The following CD300A variants were observed in gnomAD, a reference collection of about 807,000 sequenced individuals.
CD300A encodes CD300a molecule.
A neutral mutation model predicts 33.6 loss-of-function variants in CD300A; 22 were observed. The observed-to-expected ratio is 0.66, with a 90% CI of 0.47 to 0.94. The LOEUF (loss-of-function observed/expected upper bound fraction) is 0.94. CD300A is among the 40% of genes least tolerant of loss of function. CD300A has a pLI of 0.00. For synonymous variants in CD300A, 136 were observed against 148.1 expected (o/e 0.92, Z 0.59); for missense variants, 326 against 360.5 (o/e 0.90, Z 0.77).
intron 4 of CD300A, 78 bp downstream of exon 4, chr17:74,477,608 T>C: frequency 2.2e-6 from 2 of 892,770 alleles, no homozygotes; most frequent in Non-Finnish European, 3.6e-6. Flanking sequence ...TTCAAAGCTA[T>C]GTCCACGTCC....
At chr17:74,482,732 T>TCCTTCCTTTCC (rs1555639394) in intron 6 of CD300A, among the ~76,000 whole-genome samples, 1 of 133,038 alleles carries the variant, frequency 7.5e-6, no homozygotes, top group African/African-American at 3.8e-5. Flanking sequence ...CTTTCTTTCT[T>TCCTTCCTTTCC]TGGAATCTCG....
rs1237041176 is a variant in CD300A, at chr17:74,484,022, C to G, written c.796C>G (p.His266Asp). The G allele has an allele frequency of 6.2e-7, 1 of 1,614,046 alleles. No homozygotes were observed. The highest frequency in any genetic ancestry group is 8.5e-7 in the Non-Finnish European group (1 of 1,179,944). Residue 266 changes from histidine to aspartate, a missense_variant, in exon 7 of 7, where the codon CAC (histidine) becomes GAC (aspartate). His to Asp is a moderately conservative substitution (Grantham distance 81). Transcript: ENST00000360141. ...GCAGGCCTCCCCCAGGGAAGAACTTCACTATGCCTCGGTGGTGTTTGATTC... is the reference window on the plus strand; with the variant it reads ...GCAGGCCTCCCCCAGGGAAGAACTTGACTATGCCTCGGTGGTGTTTGATTC... The part of the protein sequence containing the change: ...STVASPREEL[H>D]YASVVFDSNT...
intron 1 of CD300A, among the ~76,000 whole-genome samples, chr17:74,470,476 G>A (rs577353996): frequency 2.6e-5 from 4 of 152,156 alleles, no homozygotes; most frequent in East Asian, 1.9e-4. Flanking sequence ...GAGGTAGGAC[G>A]AGAGACAGGA....
chr17:74,467,971 A>G (rs753463192), intron 1 of CD300A, among the ~76,000 whole-genome samples: 32 of 152,272 alleles, frequency 2.1e-4, no homozygotes, highest in Middle Eastern at 3.4e-3. Context: ...TATTAGGAAG[A>G]AGGGATCCAC....
At chr17:74,475,453 C>A (rs1906398997) in intron 3 of CD300A, among the ~76,000 whole-genome samples, 1 of 152,170 alleles carries the variant, frequency 6.6e-6, no homozygotes, top group African/African-American at 2.4e-5. Flanking sequence ...CTACAAGAGG[C>A]TAAGGCTAAG....
Position 74,466,774 on chromosome 17 carries a change from G to A in CD300A, c.40+31G>A, listed in dbSNP as rs370993804. On this transcript the variant is annotated intron_variant, in intron 1 of 6. Transcript: ENST00000360141. ...AGTTTCCCTTCCCGGGAAAGTCTGC[G>A]GCAGGGAGGGAGGGTGCGAGGGGCA... 23 of 1,572,912 alleles carry A rather than the reference G, an allele frequency of 1.5e-5. No homozygotes were observed. The African/African-American group carries it at 3.0e-4, about 20-fold the overall frequency.
At chr17:74,473,315 C>G (rs1189805712) in intron 1 of CD300A, among the ~76,000 whole-genome samples, 1 of 152,036 alleles carries the variant, frequency 6.6e-6, no homozygotes, top group Non-Finnish European at 1.5e-5. Flanking sequence ...CTCCAGGGCA[C>G]CCAGCCTGAG....
At chr17:74,475,542 A>C (rs1443509748) in intron 3 of CD300A, among the ~76,000 whole-genome samples, 1 of 152,202 alleles carries the variant, frequency 6.6e-6, no homozygotes, top group Non-Finnish European at 1.5e-5. Flanking sequence ...TTTCGGGTTC[A>C]CCAACCCCAC....
At chr17:74,470,251 G>C in intron 1 of CD300A, 2 of 984,578 alleles carry the variant, frequency 2.0e-6, no homozygotes, top group Non-Finnish European at 2.4e-6. Flanking sequence ...AGGTAAGTGG[G>C]GAAGTAAATG....
chr17:74,477,915 C>A (rs1167449867), intron 4 of CD300A, among the ~76,000 whole-genome samples: 1 of 152,146 alleles, frequency 6.6e-6, no homozygotes, highest in East Asian at 1.9e-4. Flanking sequence ...CCAGCCTGCG[C>A]AACACAACAA....
Position 74,481,633 on chromosome 17 carries a change from A to G in CD300A, c.667-93A>G, listed in dbSNP as rs1380137785. 1.2e-5 allele frequency: 11 copies of G among 896,432 alleles called. 1 individual carries two copies. The Admixed American group carries it at 1.4e-4, about 12-fold the overall frequency. The allele number at this position is 896,432 out of a possible 1,614,324, so 55.5% of individuals were successfully genotyped here. ...GGGGAAGGTGGGGGCTGAGGTGCTC[A>G]GAGCATAGAGGAAGGGGAGACACAT... is the stretch of plus-strand genomic sequence containing the variant. On this transcript the variant is annotated intron_variant, in intron 5 of 6. Transcript: ENST00000360141.
intron 1 of CD300A, among the ~76,000 whole-genome samples, chr17:74,467,151 G>A (rs1905769781): frequency 7.5e-6 from 1 of 133,596 alleles, no homozygotes; most frequent in South Asian, 2.7e-4. Context: ...TGGGTGCAGG[G>A]TATGGAGGAG....
At chr17:74,471,966 C>T (rs1439415885) in intron 1 of CD300A, among the ~76,000 whole-genome samples, 3 of 152,144 alleles carry the variant, frequency 2.0e-5, no homozygotes, top group East Asian at 3.9e-4. Flanking sequence ...TCTGGCCAGG[C>T]GCAGTAGCTC....
upstream of CD300A, chr17:74,466,437 G>C (rs929711423): frequency 1.0e-4 from 56 of 555,476 alleles, no homozygotes; most frequent in East Asian, 1.6e-3. Context: ...ACTACAGGGA[G>C]AGGTCTCATC....
intron 1 of CD300A, among the ~76,000 whole-genome samples, chr17:74,470,414 G>T (rs534543266): frequency 6.6e-6 from 1 of 151,728 alleles, no homozygotes; most frequent in African/African-American, 2.4e-5. Context: ...AGAGCTAGAG[G>T]GAGAGAGAGA....
chr17:74,483,007 G>T (rs1217618169), intron 6 of CD300A, among the ~76,000 whole-genome samples: 1 of 152,076 alleles, frequency 6.6e-6, no homozygotes, highest in African/African-American at 2.4e-5. Flanking sequence ...ACCACACCCG[G>T]CCAGCTCCTG....
Position 74,481,706 on chromosome 17 carries a change from G to A in CD300A, c.667-20G>A, listed in dbSNP as rs748295641. 2 of 1,577,346 alleles carry A rather than the reference G, an allele frequency of 1.3e-6. No individual in the cohort carries two copies. Among genetic ancestry groups the A allele is most frequent in the African/African-American group, 1.3e-5 (1 of 74,530 alleles). ...TGCAGGGCTCCGTGGACACCCACCTGGGACCTCCTGCCCACCCAGGCTGCC... is the reference window on the plus strand; with the variant it reads ...TGCAGGGCTCCGTGGACACCCACCTAGGACCTCCTGCCCACCCAGGCTGCC... On this transcript the variant is annotated intron_variant, in intron 5 of 6. Coordinates refer to ENST00000360141, the MANE Select transcript of CD300A (RefSeq NM_007261.4).
intron 4 of CD300A, among the ~76,000 whole-genome samples, chr17:74,478,571 C>T (rs1906632192): frequency 6.6e-6 from 1 of 152,184 alleles, no homozygotes; most frequent in African/African-American, 2.4e-5. Flanking sequence ...GGTGTGGCCA[C>T]CAGTCCTCTA....
chr17:74,477,036 T>C (rs1906513568), intron 3 of CD300A, among the ~76,000 whole-genome samples: 1 of 152,184 alleles, frequency 6.6e-6, no homozygotes, highest in African/African-American at 2.4e-5. Flanking sequence ...TTATACTGTC[T>C]ATTTTTTTTA....
Sources: allele counts gnomAD v4.1 joint callset (sites outside exome capture counted in the v4.1 genomes callset), GRCh38; gene constraint gnomAD v4.1.1; transcripts MANE v1.5; gene names NCBI Gene and HGNC (gene_info 2026-07-23, HGNC 2026-07-21).